The following PSTPIP1 variants were observed in gnomAD, a reference collection of about 807,000 sequenced individuals.
PSTPIP1 encodes proline-serine-threonine phosphatase interacting protein 1, also known as proline-serine-threonine phosphatase-interacting protein 1.
PSTPIP1 carries 66 observed loss-of-function variants against 69.6 expected under a neutral mutation model. The ratio of observed to expected loss-of-function variants is 0.95; its 90% CI spans 0.78 to 1.16. The LOEUF is 1.16. PSTPIP1 is among the 50% of genes most tolerant of loss of function. The pLI, the probability that PSTPIP1 is intolerant of heterozygous loss-of-function variation, is 0.00. For synonymous variants in PSTPIP1, 266 were observed against 222.7 expected (o/e 1.19, Z -1.73); for missense variants, 603 against 557.4 (o/e 1.08, Z -0.82).
chr15:77,017,065 C>T (rs907986044), intron 1 of PSTPIP1, among the ~76,000 whole-genome samples: 5 of 152,260 alleles, frequency 3.3e-5, no homozygotes. Flanking sequence ...GAATGTCAGG[C>T]CTGCCTTGGT....
At position 77,008,121 on chromosome 15, in the gene PSTPIP1, T is replaced by A. The variant is rs1023375223; in HGVS notation, c.37-10027T>A. 9.5e-5 allele frequency: 43 copies of A among 453,028 alleles called. 1 individual carries two copies. Among genetic ancestry groups the A allele is most frequent in the African/African-American group, 8.6e-4 (43 of 49,958 alleles). 28.1% of individuals were successfully genotyped at this position (453,028 alleles called of 1,614,324 possible). ...ATCAGCACAGAAGTCTGGATCAGTGTCCCTGGAGCTGCAGTGAATACTAAA... is the reference window on the plus strand; with the variant it reads ...ATCAGCACAGAAGTCTGGATCAGTGACCCTGGAGCTGCAGTGAATACTAAA... On this transcript the variant is annotated intron_variant, in intron 1 of 14. Coordinates refer to ENST00000558012, the MANE Select transcript of PSTPIP1 (RefSeq NM_003978.5).
At chr15:77,012,555 G>T (rs140228501) in intron 1 of PSTPIP1, among the ~76,000 whole-genome samples, 1 of 151,736 alleles carries the variant, frequency 6.6e-6, no homozygotes, top group Non-Finnish European at 1.5e-5. Context: ...CCATCAAGTT[G>T]TACCTGAGTG....
chr15:77,011,282 T>A (rs920875294), intron 1 of PSTPIP1, among the ~76,000 whole-genome samples: 1 of 152,228 alleles, frequency 6.6e-6, no homozygotes, highest in African/African-American at 2.4e-5. Flanking sequence ...GTGCCTGTGT[T>A]GTCCCTTCAG....
chr15:77,035,780 CTA>C lies in PSTPIP1; in HGVS notation c.986-20_986-19del, dbSNP rs2076550725. ...CCAGTGTCCCCAGAAGGGGAGGGGT[CTA>C]TGTCTCACCCTGCTCTTAGCGTCCA... On this transcript the variant is annotated intron_variant, in intron 13 of 14. Coordinates refer to ENST00000558012, the MANE Select transcript of PSTPIP1 (RefSeq NM_003978.5). 5.6e-6 allele frequency: 9 copies of C among 1,599,176 alleles called. No homozygotes were observed. Among genetic ancestry groups the C allele is most frequent in the East Asian group, 4.5e-5 (2 of 44,768 alleles).
intron 8 of PSTPIP1, 144 bp downstream of exon 8, chr15:77,029,718 C>T: frequency 9.9e-7 from 1 of 1,006,546 alleles, no homozygotes; most frequent in Non-Finnish European, 1.4e-6. Flanking sequence ...TATGTGCCGT[C>T]AAAGTAAACG....
rs115368425 is a variant in PSTPIP1, at chr15:77,035,630, G to A, written c.985+67G>A. The stretch of plus-strand genomic sequence containing the variant: ...GGGGGGGAGGAGAGGTCTCCCACAT[G>A]GCACAGATGGGGCCACTGAGGCCCT... On this transcript the variant is annotated intron_variant, in intron 13 of 14. Coordinates refer to ENST00000558012, the MANE Select transcript of PSTPIP1 (RefSeq NM_003978.5). 2.4e-3 allele frequency: 3,641 copies of A among 1,513,462 alleles called. 50 individuals carry two copies. The African/African-American group carries it at 0.038, about 16-fold the overall frequency. 93.8% of individuals were successfully genotyped at this position (1,513,462 alleles called of 1,614,324 possible). A position where few individuals can be genotyped will look rare whatever the true frequency, so the allele number is the denominator to read the frequency against.
chr15:77,011,976 G>C (rs1439776950), intron 1 of PSTPIP1, among the ~76,000 whole-genome samples: 3 of 152,056 alleles, frequency 2.0e-5, no homozygotes, highest in Non-Finnish European at 2.9e-5. Context: ...GCTTCTGATG[G>C]CCCCACAGAG....
At chr15:77,029,246 C>A (rs993662849) in intron 7 of PSTPIP1, among the ~76,000 whole-genome samples, 2 of 152,324 alleles carry the variant, frequency 1.3e-5, no homozygotes, top group Non-Finnish European at 1.5e-5. Context: ...CAAGTCCCAG[C>A]CAGGGGGCTC....
At chr15:77,035,664 A>G in intron 13 of PSTPIP1, 101 bp downstream of exon 13, 1 of 1,477,626 alleles carries the variant, frequency 6.8e-7, no homozygotes, top group Non-Finnish European at 9.1e-7. Context: ...CTCAAGAGGA[A>G]GTGTGTGTCC....
chr15:77,020,881 T>G (rs114778900), intron 3 of PSTPIP1, among the ~76,000 whole-genome samples: 4,551 of 42,876 alleles, frequency 0.11, 259 homozygotes, highest in Middle Eastern at 0.24. Context: ...GGGGGGGGGG[T>G]GTGTGTGTTG....
chr15:77,002,341 C>T (rs2075727077), intron 1 of PSTPIP1, among the ~76,000 whole-genome samples: 1 of 152,222 alleles, frequency 6.6e-6, no homozygotes, highest in Admixed American at 6.5e-5. Context: ...AGGATGCTTC[C>T]CTACATGTTA....
intron 10 of PSTPIP1, 44 bp downstream of exon 10, chr15:77,031,322 C>G (rs1177203475): frequency 1.6e-5 from 26 of 1,586,878 alleles, no homozygotes; most frequent in Non-Finnish European, 2.2e-5. Context: ...AGGGCAGCCT[C>G]TAGGCAGCAA....
At chr15:76,998,308 C>T (rs902039459) in intron 1 of PSTPIP1, among the ~76,000 whole-genome samples, 3 of 152,312 alleles carry the variant, frequency 2.0e-5, no homozygotes, top group Admixed American at 6.5e-5. Flanking sequence ...GGCAACCTCA[C>T]CCATACAGAA....
In PSTPIP1 at chr15:77,031,209, G is replaced by T; in HGVS notation, c.672G>T (p.Leu224=). The T allele has an allele frequency of 6.2e-7, 1 of 1,612,982 alleles. No homozygotes were observed. Among genetic ancestry groups the T allele is most frequent in the East Asian group, 2.2e-5 (1 of 44,886 alleles). ...TTCAGCTGCAAGAGTTTGACCGGCT[G>T]ACCATTCTCCGCAACGCCCTGTGGG... The part of the protein sequence containing the change: ...EAFQLQEFDR[L]TILRNALWVH... Residue 224 remains leucine (L), a synonymous_variant, in exon 10 of 15, where the codon CTG becomes CTT. Transcript: ENST00000558012.
Position 76,995,421 on chromosome 15 carries a change from C to T in PSTPIP1, c.-153C>T, listed in dbSNP as rs867293179. 13 of 1,494,760 alleles carry T rather than the reference C, an allele frequency of 8.7e-6. No individual in the cohort carries two copies. The highest frequency in any genetic ancestry group is 4.2e-5 in the African/African-American group (3 of 71,480). The allele number at this position is 1,494,760 out of a possible 1,614,324, so 92.6% of individuals were successfully genotyped here. On this transcript the variant is annotated 5_prime_UTR_variant, in exon 1 of 15. Transcript: ENST00000558012. ...TCCCCTCAGAAGCTCCTCTCTGGCT[C>T]GTGGCTGCCTTCTGAGTGTTGCAGA... is the stretch of plus-strand genomic sequence containing the variant.
chr15:77,027,905 G>A lies in PSTPIP1; in HGVS notation c.408G>A (p.Lys136=). The change falls in exon 6 of 15, where the codon AAG becomes AAA. Residue 136 remains lysine, a synonymous_variant. Coordinates refer to ENST00000558012, the MANE Select transcript of PSTPIP1 (RefSeq NM_003978.5). The surrounding 1 kb of genome is among the most constrained non-coding windows in gnomAD (Gnocchi z 4.3). ...AGAGCAAGCTGTCGCTCTACAAGAA[G>A]GCCATGGAGGTGAGCGCCAGGGCCT... ...VQKSKLSLYK[K]AMESKKTYEQ... 2 of 1,561,938 alleles carry A rather than the reference G, an allele frequency of 1.3e-6. No homozygotes were observed. Among genetic ancestry groups the A allele is most frequent in the Non-Finnish European group, 8.7e-7 (1 of 1,153,598 alleles).
At position 77,028,586 on chromosome 15, in the gene PSTPIP1, C is replaced by T. The variant is rs758334058; in HGVS notation, c.450C>T (p.Asp150=). ...AGACATACGAGCAGAAGTGCCGGGA[C>T]GCGGACGACGCGGAGCAGGCCTTCG... ...SKKTYEQKCR[D]ADDAEQAFER... Residue 150 remains aspartate, a synonymous_variant, in exon 7 of 15, where the codon GAC becomes GAT. Coordinates refer to ENST00000558012, the MANE Select transcript of PSTPIP1 (RefSeq NM_003978.5). 5 of 1,603,012 alleles carry T rather than the reference C, an allele frequency of 3.1e-6. No individual in the cohort carries two copies. The highest frequency in any genetic ancestry group is 4.3e-6 in the Non-Finnish European group (5 of 1,175,612).
At chr15:77,021,339 A>G (rs974393864) in intron 3 of PSTPIP1, among the ~76,000 whole-genome samples, 16 of 152,296 alleles carry the variant, frequency 1.1e-4, no homozygotes, top group African/African-American at 3.8e-4. Flanking sequence ...GAGGATGGAC[A>G]AGTAAGACCC....
intron 1 of PSTPIP1, among the ~76,000 whole-genome samples, chr15:77,009,975 C>T (rs1329870333): frequency 1.3e-5 from 2 of 152,174 alleles, no homozygotes; most frequent in Admixed American, 1.3e-4. Flanking sequence ...GGAGTCCATT[C>T]GGCAAGGAGC....
Sources: allele counts gnomAD v4.1 joint callset (sites outside exome capture counted in the v4.1 genomes callset), GRCh38; gene constraint gnomAD v4.1.1; non-coding constraint Gnocchi (gnomAD v3.1); transcripts MANE v1.5; gene names NCBI Gene and HGNC (gene_info 2026-07-23, HGNC 2026-07-21).